CCDC7: variants seen among roughly 807,000 people sequenced by gnomAD.
CCDC7 encodes coiled-coil domain-containing protein 7.
In CCDC7, 183 loss-of-function variants were observed where a neutral mutation model predicts 196.9. The observed-to-expected ratio is 0.93, with a 90% CI of 0.82 to 1.05. The LOEUF (loss-of-function observed/expected upper bound fraction) is 1.05. Among genes scored for constraint, CCDC7 ranks in the 50% least tolerant of loss-of-function variants. The pLI is 0.00. For synonymous variants in CCDC7, 525 were observed against 484.6 expected, an observed-to-expected ratio of 1.08 and a Z score of -1.10; for missense variants, 1,540 against 1,482.2, an observed-to-expected ratio of 1.04 and a Z score of -0.64.
chr10:32,809,358 A>G (rs947943404), intron 30 of CCDC7, among the ~76,000 whole-genome samples: 8 of 152,184 alleles, frequency 5.3e-5, no homozygotes, highest in Non-Finnish European at 4.4e-5. Context: ...GAGAGGAATG[A>G]AAAATTTATT....
chr10:32,710,358 T>G (rs2080619431), intron 24 of CCDC7, among the ~76,000 whole-genome samples: 1 of 152,212 alleles, frequency 6.6e-6, no homozygotes. Flanking sequence ...CTAAGAGCTG[T>G]TATTGATGCA....
chr10:32,570,281 A>AT (rs1159625060), intron 15 of CCDC7, among the ~76,000 whole-genome samples: 1 of 152,134 alleles, frequency 6.6e-6, no homozygotes, highest in Non-Finnish European at 1.5e-5. Context: ...TGATCCAATT[A>AT]TTATCCATCA....
chr10:32,674,233 A>G (rs916802321), intron 21 of CCDC7, among the ~76,000 whole-genome samples: 31 of 151,418 alleles, frequency 2.0e-4, no homozygotes, highest in African/African-American at 6.3e-4. Context: ...AACTTTCCTT[A>G]TGGTACTGCT....
At chr10:32,467,331 C>T (rs532358270) in intron 5 of CCDC7, among the ~76,000 whole-genome samples, 13 of 151,276 alleles carry the variant, frequency 8.6e-5, no homozygotes, top group African/African-American at 2.9e-4. Context: ...AGGCTGGTCT[C>T]GAACTCCTGA....
intron 13 of CCDC7, among the ~76,000 whole-genome samples, chr10:32,554,704 T>G (rs2054071556): frequency 6.6e-6 from 1 of 152,258 alleles, no homozygotes; most frequent in African/African-American, 2.4e-5. Flanking sequence ...TCTGCTTCCT[T>G]CAGAGGGTCT....
chr10:32,534,965 G>C (rs1218733156), intron 11 of CCDC7, among the ~76,000 whole-genome samples: 1 of 150,318 alleles, frequency 6.7e-6, no homozygotes, highest in Non-Finnish European at 1.5e-5. Context: ...AAAGCTGGTT[G>C]ACCCCCTCAT....
chr10:32,739,037 C>T (rs1005409900), intron 28 of CCDC7, among the ~76,000 whole-genome samples: 4 of 151,868 alleles, frequency 2.6e-5, no homozygotes, highest in African/African-American at 7.3e-5. Flanking sequence ...TTAAGTTTTT[C>T]CCACCTCTTT....
At chr10:32,760,161 T>C (rs2133819000) in intron 28 of CCDC7, among the ~76,000 whole-genome samples, 1 of 151,658 alleles carries the variant, frequency 6.6e-6, no homozygotes, top group African/African-American at 2.4e-5. Flanking sequence ...TGTAAACTAG[T>C]TCAACCATTG....
At chr10:32,788,605 C>T (rs2082219765) in intron 29 of CCDC7, among the ~76,000 whole-genome samples, 1 of 152,190 alleles carries the variant, frequency 6.6e-6, no homozygotes, top group Non-Finnish European at 1.5e-5. Flanking sequence ...GGCTTTAGGC[C>T]AGCACCCATG....
At chr10:32,493,986 T>G (rs12359568) in intron 9 of CCDC7, among the ~76,000 whole-genome samples, 59,717 of 151,906 alleles carry the variant, frequency 0.39, 11,959 homozygotes, top group East Asian at 0.58. Context: ...CATTCCATAG[T>G]TTGTATCTTT....
intron 13 of CCDC7, among the ~76,000 whole-genome samples, chr10:32,563,611 A>T (rs1055084042): frequency 4.6e-5 from 7 of 152,224 alleles, no homozygotes; most frequent in African/African-American, 1.7e-4. Flanking sequence ...AGAAAGCTGA[A>T]ACTGGATCCC....
At chr10:32,452,213 G>A (rs2033253396) in intron 1 of CCDC7, among the ~76,000 whole-genome samples, 1 of 152,124 alleles carries the variant, frequency 6.6e-6, no homozygotes, top group Non-Finnish European at 1.5e-5. Context: ...GATTTATTGG[G>A]GGTTGTTTAC....
intron 1 of CCDC7, among the ~76,000 whole-genome samples, chr10:32,452,279 G>A (rs903381459): frequency 6.6e-6 from 1 of 152,190 alleles, no homozygotes; most frequent in Non-Finnish European, 1.5e-5. Flanking sequence ...AGGAAAGGAG[G>A]TTCAGTATAA....
intron 28 of CCDC7, among the ~76,000 whole-genome samples, chr10:32,750,478 A>G (rs560025717): frequency 2.3e-3 from 351 of 152,312 alleles, no homozygotes; most frequent in Non-Finnish European, 3.9e-3. Flanking sequence ...AGACCTAGGT[A>G]AAAGAGAGCT....
At chr10:32,700,873 T>G (rs1018867616) in intron 24 of CCDC7, among the ~76,000 whole-genome samples, 16 of 152,240 alleles carry the variant, frequency 1.1e-4, no homozygotes, top group African/African-American at 3.9e-4. Context: ...TATTGGTATA[T>G]AAGAATACTT....
intron 11 of CCDC7, among the ~76,000 whole-genome samples, chr10:32,524,532 G>T (rs184111801): frequency 2.6e-5 from 4 of 152,248 alleles, no homozygotes; most frequent in African/African-American, 9.6e-5. Context: ...TCAGATAAAA[G>T]AATTTCCTTT....
intron 29 of CCDC7, among the ~76,000 whole-genome samples, chr10:32,802,873 G>A (rs1394343087): frequency 6.6e-6 from 1 of 152,172 alleles, no homozygotes; most frequent in African/African-American, 2.4e-5. Flanking sequence ...ACATTCTTCT[G>A]CCTGCTTTTA....
At chr10:32,525,414 C>T (rs555320166) in intron 11 of CCDC7, among the ~76,000 whole-genome samples, 16 of 152,178 alleles carry the variant, frequency 1.1e-4, no homozygotes, top group African/African-American at 3.9e-4. Flanking sequence ...ATATTTTAAT[C>T]TCTTTGTTAA....
At chr10:32,471,288 G>T (rs999642899) in intron 6 of CCDC7, 58 bp downstream of exon 7, 60 of 1,554,528 alleles carry the variant, frequency 3.9e-5, no homozygotes, top group Non-Finnish European at 6.1e-6. Flanking sequence ...TATATAATTA[G>T]CACTGAATGT....
Sources: allele counts gnomAD v4.1 joint callset (sites outside exome capture counted in the v4.1 genomes callset), GRCh38; gene constraint gnomAD v4.1.1; transcripts MANE v1.5; gene names NCBI Gene and HGNC (gene_info 2026-07-23, HGNC 2026-07-21).